Variants in ADAM28 observed in about 807,000 individuals in gnomAD.
ADAM28 encodes the protein ADAM metallopeptidase domain 28, also known as disintegrin and metalloproteinase domain-containing protein 28.
In ADAM28, 105 loss-of-function variants were observed where a neutral mutation model predicts 101.2. The observed-to-expected ratio is 1.04, with a 90% CI of 0.89 to 1.22. The LOEUF is 1.22. ADAM28 is among the 50% of genes most tolerant of loss of function. The pLI, the probability that ADAM28 is intolerant of heterozygous loss-of-function variation, is 0.00. For missense variants in ADAM28, 1,028 were observed against 945.4 expected (o/e 1.09, Z -1.15); for synonymous variants, 322 against 310.6 (o/e 1.04, Z -0.39).
rs143894843 is a variant in ADAM28, at chr8:24,309,968, C to T, written c.225C>T (p.Asn75=). The change falls in exon 3 of 23, where the codon AAC becomes AAT. Residue 75 remains asparagine, a splice_region_variant and synonymous_variant. Coordinates refer to ENST00000265769, the MANE Select transcript of ADAM28 (RefSeq NM_014265.6). ...GKIAVLYLKK[N]KNLLAPGYTE... is the part of the protein sequence containing the mutation. ...TTGCAGTGCTTTATTTGAAAAAAAA[C>T]AAGTAAGTATCTTTACCTGTGATAT... The T allele has an allele frequency of 6.5e-7, 1 of 1,548,748 alleles. No individual in the cohort carries two copies.
At chr8:24,337,465 C>T (rs1224989166) in intron 14 of ADAM28, among the ~76,000 whole-genome samples, 3 of 152,210 alleles carry the variant, frequency 2.0e-5, no homozygotes, top group African/African-American at 7.2e-5. Context: ...CTCGGCAAAT[C>T]TGTAAACTTC....
At chr8:24,322,131 T>C (rs573882884) in intron 8 of ADAM28, among the ~76,000 whole-genome samples, 11 of 152,022 alleles carry the variant, frequency 7.2e-5, no homozygotes, top group South Asian at 2.1e-4. Flanking sequence ...ACATTTCCTT[T>C]TTATGCTGAT....
chr8:24,306,457 A>T (rs1809709750), intron 2 of ADAM28, among the ~76,000 whole-genome samples: 1 of 149,616 alleles, frequency 6.7e-6, no homozygotes, highest in African/African-American at 2.5e-5. Flanking sequence ...CAACAGAATG[A>T]ATCTAATTTT....
chr8:24,357,584 C>T lies in ADAM28; in HGVS notation c.*3180C>T, dbSNP rs1816763309. On this transcript the variant is annotated 3_prime_UTR_variant, in exon 23 of 23. Transcript: ENST00000265769. ...CTCGACAAAAGCATGGGGGAAACCA[C>T]CCCCATGATCCAATCACCTCCCACC... The T allele has an allele frequency of 6.6e-6, 1 of 152,054 alleles. No homozygotes were observed. The highest frequency in any genetic ancestry group is 1.5e-5 in the Non-Finnish European group (1 of 68,008). 9.4% of individuals were successfully genotyped at this position (152,054 alleles called of 1,614,324 possible).
At chr8:24,325,152 T>C (rs1292687056) in intron 9 of ADAM28, 1 of 151,974 alleles carries the variant, frequency 6.6e-6, no homozygotes, top group Non-Finnish European at 1.5e-5. Context: ...TAAGGTCTCA[T>C]AGCTGGTAAG....
Position 24,332,718 on chromosome 8 carries a change from G to GTGC in ADAM28, c.1341_1343dup (p.Ala448dup), listed in dbSNP as rs1337111737. ...TGTAAAATCAAAGCAACTTTTCAAT[G>GTGC]TGCATTAGGAGAATGTTGTGAAAAA... On this transcript the variant is annotated inframe_insertion, in exon 13 of 23. Coordinates refer to ENST00000265769, the MANE Select transcript of ADAM28 (RefSeq NM_014265.6). 6.6e-7 allele frequency: 1 copy of GTGC among 1,514,166 alleles called. No individual in the cohort carries two copies. The highest frequency in any genetic ancestry group is 8.9e-7 in the Non-Finnish European group (1 of 1,121,704). 93.8% of individuals were successfully genotyped at this position (1,514,166 alleles called of 1,614,324 possible). A position where few individuals can be genotyped will look rare whatever the true frequency, so the allele number is the denominator to read the frequency against.
intron 12 of ADAM28, 55 bp downstream of exon 12, chr8:24,331,382 A>G: frequency 6.6e-7 from 1 of 1,507,846 alleles, no homozygotes. Flanking sequence ...TGCTAAGAAG[A>G]TCAACTACAA....
Position 24,323,947 on chromosome 8 carries a change from A to G in ADAM28, c.834A>G (p.Lys278=), listed in dbSNP as rs1343714471. Residue 278 remains lysine, a synonymous_variant, in exon 9 of 23, where the codon AAA becomes AAG. Coordinates refer to ENST00000265769, the MANE Select transcript of ADAM28 (RefSeq NM_014265.6). The part of the protein sequence containing the change: ...NASFTLENFS[K]WRGSVLSRRK... ...GCTTCACCTTGGAGAATTTTTCTAA[A>G]TGGAGGGGGAGTGTTCTCTCAAGAA... The G allele has an allele frequency of 6.2e-7, 1 of 1,612,182 alleles. No homozygotes were observed. The highest frequency in any genetic ancestry group is 8.5e-7 in the Non-Finnish European group (1 of 1,178,812).
intron 1 of ADAM28, among the ~76,000 whole-genome samples, chr8:24,296,955 T>C (rs1808048478): frequency 6.6e-6 from 1 of 152,218 alleles, no homozygotes; most frequent in Non-Finnish European, 1.5e-5. Context: ...ATCCCTACAA[T>C]GGCTGTGTAA....
At chr8:24,321,365 T>A (rs1811857123) in intron 8 of ADAM28, 76 bp downstream of exon 8, 1 of 1,217,156 alleles carries the variant, frequency 8.2e-7, no homozygotes, top group African/African-American at 1.5e-5. Context: ...TGAACGCACA[T>A]GAAGCATGGA....
At chr8:24,308,409 A>G (rs1421967966) in intron 2 of ADAM28, among the ~76,000 whole-genome samples, 1 of 152,200 alleles carries the variant, frequency 6.6e-6, no homozygotes, top group African/African-American at 2.4e-5. Flanking sequence ...ACTCCACTCC[A>G]AAAGCATTTA....
Position 24,353,787 on chromosome 8 carries a change from A to G in ADAM28, c.2262A>G (p.Ala754=). The change falls in exon 22 of 23, where the codon GCA becomes GCG. Residue 754 remains alanine (A), a synonymous_variant. Transcript: ENST00000265769. ...PPASFHKDTN[A]LPPTVFKDNP... ...TAACGTAGCATAAAGACACAAACGC[A>G]CTTCCCCCTACTGTTTTCAAGGATA... The G allele has an allele frequency of 2.0e-6, 3 of 1,518,636 alleles. No homozygotes were observed. Among genetic ancestry groups the G allele is most frequent in the Non-Finnish European group, 2.7e-6 (3 of 1,093,754 alleles). The allele number at this position is 1,518,636 out of a possible 1,614,324, so 94.1% of individuals were successfully genotyped here.
chr8:24,296,982 T>C (rs1808051617), intron 1 of ADAM28, among the ~76,000 whole-genome samples: 1 of 152,216 alleles, frequency 6.6e-6, no homozygotes, highest in African/African-American at 2.4e-5. Flanking sequence ...GTATTCCAGA[T>C]CCCATTATTT....
At chr8:24,308,533 G>A (rs537768075) in intron 2 of ADAM28, 1 of 432,106 alleles carries the variant, frequency 2.3e-6, no homozygotes, top group East Asian at 7.3e-5. Flanking sequence ...GACCATATTT[G>A]GTATCATTCT....
chr8:24,344,550 G>C (rs1056421753), intron 18 of ADAM28, among the ~76,000 whole-genome samples: 5 of 152,054 alleles, frequency 3.3e-5, no homozygotes, highest in African/African-American at 9.7e-5. Flanking sequence ...ATTTATTTCT[G>C]ATGTTTAGTC....
chr8:24,317,998 T>C (rs940904448), intron 6 of ADAM28, among the ~76,000 whole-genome samples: 1 of 152,026 alleles, frequency 6.6e-6, no homozygotes, highest in African/African-American at 2.4e-5. Flanking sequence ...AACCAGAAGA[T>C]GTTGAGAGCA....
intron 6 of ADAM28, among the ~76,000 whole-genome samples, chr8:24,316,142 A>G (rs1811133296): frequency 6.6e-6 from 1 of 151,750 alleles, no homozygotes. Context: ...ATAAAATGCT[A>G]CAAATTATCT....
rs558828988 is a variant in ADAM28 at position 24,330,014 on chromosome 8, A to G, written c.1002A>G (p.Ala334=). Residue 334 remains alanine, a synonymous_variant, in exon 11 of 23, where the codon GCA becomes GCG. Transcript: ENST00000265769. The stretch of plus-strand genomic sequence containing the variant: ...ACAGCGATAATCTTCTTAGAGTTGC[A>G]GGGACAATGGCACATGAAATGGGCC... ...QDHSDNLLRV[A]GTMAHEMGHN... is the part of the protein sequence containing the mutation. 8.1e-6 allele frequency: 13 copies of G among 1,613,524 alleles called. No homozygotes were observed. In the African/African-American group the frequency reaches 1.7e-4, roughly 22 times the overall value.
chr8:24,298,374 A>C (rs1808257160), intron 1 of ADAM28, among the ~76,000 whole-genome samples: 1 of 152,070 alleles, frequency 6.6e-6, no homozygotes, highest in South Asian at 2.1e-4. Flanking sequence ...AATGTAAGTG[A>C]CTCTTGAGTC....
Sources: gnomAD v4.1 joint callset for allele counts (sites outside exome capture counted in the v4.1 genomes callset) on GRCh38, gnomAD v4.1.1 for gene constraint, MANE v1.5 for transcripts, NCBI Gene and HGNC (gene_info 2026-07-23, HGNC 2026-07-21) for gene names.